The following MBNL2 variants were observed in gnomAD, a reference collection of about 807,000 sequenced individuals.
The protein encoded by MBNL2 is muscleblind-like protein 2.
MBNL2 carries 17 observed loss-of-function variants against 41.9 expected under a neutral mutation model. The ratio of observed to expected loss-of-function variants is 0.41; its 90% CI spans 0.28 to 0.61. The LOEUF is 0.61. Ranked by LOEUF, MBNL2 falls within the 20% of genes least tolerant of loss-of-function variation. MBNL2 has a pLI of 0.35. For missense variants in MBNL2, 336 were observed against 505.6 expected, an observed-to-expected ratio of 0.66 and a Z score of 3.22; for synonymous variants, 195 against 182.9, an observed-to-expected ratio of 1.07 and a Z score of -0.53.
the MBNL2 span, among the ~76,000 whole-genome samples, chr13:97,201,806 C>T: frequency 6.6e-6 from 1 of 152,160 alleles, no homozygotes; most frequent in South Asian, 2.1e-4. Flanking sequence ...CTTTCTAAAT[C>T]CTATTACTTT....
chr13:97,233,185 T>A (rs2152788992), intron 1 of MBNL2, among the ~76,000 whole-genome samples: 2 of 124,538 alleles, frequency 1.6e-5, no homozygotes, highest in African/African-American at 3.0e-5. Context: ...ATCTTTTTAT[T>A]ATACTTTAAG....
At chr13:97,324,026 TTC>T (rs565843554) in intron 2 of MBNL2, among the ~76,000 whole-genome samples, 74 of 152,214 alleles carry the variant, frequency 4.9e-4, no homozygotes, top group Non-Finnish European at 8.1e-4. Flanking sequence ...TATTCATTCT[TTC>T]TGTTTTTCTT....
chr13:97,203,441 T>C, the MBNL2 span, among the ~76,000 whole-genome samples: 53 of 152,294 alleles, frequency 3.5e-4, no homozygotes, highest in Admixed American at 6.5e-4. Context: ...GCTACTAGTT[T>C]AACCTGTATT....
intron 1 of MBNL2, among the ~76,000 whole-genome samples, chr13:97,270,497 T>C (rs2050728109): frequency 6.6e-6 from 1 of 152,162 alleles, no homozygotes; most frequent in Non-Finnish European, 1.5e-5. Flanking sequence ...AAAAGTAAAT[T>C]TATATACTCA....
chr13:97,231,761 C>G (rs2042406488), intron 1 of MBNL2, among the ~76,000 whole-genome samples: 1 of 152,128 alleles, frequency 6.6e-6, no homozygotes, highest in African/African-American at 2.4e-5. Context: ...GTTACTGCCT[C>G]CAGGGAAGGC....
In MBNL2 at chr13:97,361,028, A is replaced by G. The variant is rs115106517; in HGVS notation, c.1012+3393A>G. On this transcript the variant is annotated intron_variant, in intron 7 of 8. Transcript: ENST00000679496. ...AAAATTTATTCCATTCAATTCATTAAAACATACCTTGAACCCGTGGTATGT... is the reference window on the plus strand; with the variant it reads ...AAAATTTATTCCATTCAATTCATTAGAACATACCTTGAACCCGTGGTATGT... Among the ~76,000 whole-genome samples, 923 of 152,358 alleles carry G rather than the reference A, an allele frequency of 6.1e-3. 8 individuals carry two copies. The highest frequency in any genetic ancestry group is 0.021 in the African/African-American group (874 of 41,570).
At chr13:97,151,633 T>C in the MBNL2 span, among the ~76,000 whole-genome samples, 89 of 152,282 alleles carry the variant, frequency 5.8e-4, no homozygotes, top group African/African-American at 1.8e-3. Flanking sequence ...CAATCAGCTT[T>C]TTGTGAGCCT....
the MBNL2 span, among the ~76,000 whole-genome samples, chr13:97,153,222 A>G: frequency 1.4e-4 from 21 of 152,176 alleles, no homozygotes; most frequent in Non-Finnish European, 2.6e-4. Flanking sequence ...ACTCAGAGCA[A>G]TGTAAAACAC....
intron 3 of MBNL2, among the ~76,000 whole-genome samples, chr13:97,339,199 TTG>T (rs757561727): frequency 0.099 from 126 of 1,268 alleles, no homozygotes; most frequent in African/African-American, 0.23. Context: ...TATGAGTGTG[TTG>T]TGTGTGTGAG....
chr13:97,243,808 G>C (rs753371404), intron 1 of MBNL2, among the ~76,000 whole-genome samples: 1 of 152,170 alleles, frequency 6.6e-6, no homozygotes, highest in African/African-American at 2.4e-5. Flanking sequence ...CAGAGAAAGA[G>C]GACTATTTTG....
chr13:97,374,811 T>G (rs77741850), intron 8 of MBNL2, among the ~76,000 whole-genome samples: 3,056 of 152,296 alleles, frequency 0.02, 97 homozygotes, highest in African/African-American at 0.062. Context: ...AATTTTAGGT[T>G]TTCTCATTGG....
At chr13:97,271,112 G>GTTTTTTTTTTTTTTTTTTT (rs369155404) in intron 1 of MBNL2, among the ~76,000 whole-genome samples, 1 of 133,394 alleles carries the variant, frequency 7.5e-6, no homozygotes. Flanking sequence ...GCTCTTTTTT[G>GTTTTTTTTTTTTTTTTTTT]TTTTTTTTTT....
intron 2 of MBNL2, among the ~76,000 whole-genome samples, chr13:97,296,127 A>G (rs2056973062): frequency 6.6e-6 from 1 of 152,310 alleles, no homozygotes; most frequent in South Asian, 2.1e-4. Context: ...TCCACGCTAA[A>G]TAATTGAGAC....
At chr13:97,384,705 A>ACTT (rs2065785059) in intron 8 of MBNL2, among the ~76,000 whole-genome samples, 1 of 152,210 alleles carries the variant, frequency 6.6e-6, no homozygotes, top group Non-Finnish European at 1.5e-5. Flanking sequence ...AGGAAATGCC[A>ACTT]ATTAATTGCC....
intron 1 of MBNL2, among the ~76,000 whole-genome samples, chr13:97,272,181 G>A (rs2152919855): frequency 6.6e-6 from 1 of 152,266 alleles, no homozygotes; most frequent in South Asian, 2.1e-4. Flanking sequence ...GATCAGTGAT[G>A]TTGAGTTTTT....
At chr13:97,210,564 A>G in the MBNL2 span, among the ~76,000 whole-genome samples, 3 of 139,838 alleles carry the variant, frequency 2.1e-5, no homozygotes, top group Admixed American at 1.5e-4. Context: ...ATTCTATACA[A>G]CTGTGAATTT....
At chr13:97,288,903 A>G (rs2055218137) in intron 2 of MBNL2, among the ~76,000 whole-genome samples, 1 of 152,170 alleles carries the variant, frequency 6.6e-6, no homozygotes, top group Non-Finnish European at 1.5e-5. Context: ...ACCAAACAGC[A>G]TTTTGGGGCT....
upstream of MBNL2, among the ~76,000 whole-genome samples, chr13:97,221,271 G>A (rs1002013219): frequency 4.0e-5 from 6 of 151,850 alleles, no homozygotes; most frequent in Non-Finnish European, 5.9e-5. Context: ...CTCAAAATGT[G>A]GTATTTAGGG....
At position 97,269,150 on chromosome 13, in the gene MBNL2, G is replaced by A. The variant is rs535452726; in HGVS notation, c.-604-6482G>A. Among the ~76,000 whole-genome samples, 105 of 152,188 alleles carry A rather than the reference G, an allele frequency of 6.9e-4. 1 individual carries two copies. Among genetic ancestry groups the A allele is most frequent in the African/African-American group, 2.5e-3 (103 of 41,434 alleles). ...CCAAACATTGCCTAGGTTCTGCACTGGAAGGAGCTAATTAGGGTAGGATTG... is the reference window on the plus strand; with the variant it reads ...CCAAACATTGCCTAGGTTCTGCACTAGAAGGAGCTAATTAGGGTAGGATTG... On this transcript the variant is annotated intron_variant, in intron 1 of 8. Transcript: ENST00000679496.
Sources: gnomAD v4.1 joint callset for allele counts (sites outside exome capture counted in the v4.1 genomes callset) on GRCh38, gnomAD v4.1.1 for gene constraint, MANE v1.5 for transcripts, NCBI Gene and HGNC (gene_info 2026-07-23, HGNC 2026-07-21) for gene names.